The following CEP85 variants were observed in gnomAD, a reference collection of about 807,000 sequenced individuals.
CEP85 encodes the protein centrosomal protein of 85 kDa.
A neutral mutation model predicts 93.7 loss-of-function variants in CEP85; 58 were observed. The observed-to-expected ratio is 0.62, with a 90% CI of 0.50 to 0.77. The LOEUF is 0.77. Among genes scored for constraint, CEP85 ranks in the 30% least tolerant of loss-of-function variants. The pLI is 0.00. For synonymous variants in CEP85, 314 were observed against 338.6 expected, an observed-to-expected ratio of 0.93 and a Z score of 0.80; for missense variants, 868 against 922.0, an observed-to-expected ratio of 0.94 and a Z score of 0.76.
At chr1:26,242,241 C>G (rs1230033111) in intron 2 of CEP85, among the ~76,000 whole-genome samples, 1 of 152,104 alleles carries the variant, frequency 6.6e-6, no homozygotes, top group African/African-American at 2.4e-5. Flanking sequence ...AGTAGGAAGT[C>G]AGGAAGATGG....
chr1:26,253,191 G>C (rs1379866205), intron 3 of CEP85, among the ~76,000 whole-genome samples: 1 of 152,098 alleles, frequency 6.6e-6, no homozygotes, highest in Non-Finnish European at 1.5e-5. Context: ...TGGGATTGTA[G>C]ATATCTCTTG....
chr1:26,257,216 A>G (rs2089721079), intron 4 of CEP85, among the ~76,000 whole-genome samples: 1 of 152,148 alleles, frequency 6.6e-6, no homozygotes, highest in African/African-American at 2.4e-5. Flanking sequence ...TACAGGCGTG[A>G]GCCACCGCAC....
chr1:26,260,822 G>A (rs565274872), intron 7 of CEP85, among the ~76,000 whole-genome samples: 33 of 149,488 alleles, frequency 2.2e-4, no homozygotes, highest in East Asian at 6.0e-4. Context: ...ATGGAATTTC[G>A]CTCTGGCATC....
chr1:26,248,927 C>T (rs142794457), intron 3 of CEP85, among the ~76,000 whole-genome samples: 1,558 of 152,004 alleles, frequency 0.01, 24 homozygotes, highest in African/African-American at 0.036. Context: ...GGGGTTTCAC[C>T]GTGTTAGCCA....
intron 2 of CEP85, among the ~76,000 whole-genome samples, chr1:26,241,824 C>T (rs2089431724): frequency 6.6e-6 from 1 of 151,750 alleles, no homozygotes; most frequent in East Asian, 1.9e-4. Context: ...TGCAGTGGCA[C>T]AATCTCAGCT....
Position 26,255,607 on chromosome 1 carries a change from T to G in CEP85, c.645T>G (p.Ser215Arg), listed in dbSNP as rs1277978151. 6.2e-6 allele frequency: 10 copies of G among 1,613,770 alleles called. No homozygotes were observed. The Admixed American group carries it at 6.7e-5, about 11-fold the overall frequency. ...VRFHNPRTSTSKELYRVLPEA... is the reference protein window; with the variant it reads ...VRFHNPRTSTRKELYRVLPEA... ...TCCACAACCCAAGAACCAGCACAAG[T>G]AAGGAGTTGTACAGAGTGTTGCCTG... is the stretch of plus-strand genomic sequence containing the variant. The change falls in exon 4 of 14, where the codon AGT becomes AGG. Residue 215 changes from serine (S) to arginine (R), a missense_variant. Physicochemically the swap from Ser to Arg is moderately radical, Grantham distance 110. Coordinates refer to ENST00000451429, the MANE Select transcript of CEP85 (RefSeq NM_001319944.2).
chr1:26,259,472 T>C (rs1199867021), intron 6 of CEP85, 145 bp from the exon 7 acceptor site: 1 of 718,070 alleles, frequency 1.4e-6, no homozygotes, highest in Non-Finnish European at 2.3e-6. Context: ...CTGATGCTGT[T>C]AACCCTAAGA....
At chr1:26,262,595 T>C (rs1324486006) in intron 7 of CEP85, among the ~76,000 whole-genome samples, 1 of 152,048 alleles carries the variant, frequency 6.6e-6, no homozygotes, top group Non-Finnish European at 1.5e-5. Flanking sequence ...TCAAGAATGA[T>C]CCACTGGTAC....
At chr1:26,261,639 A>T (rs989272176) in intron 7 of CEP85, among the ~76,000 whole-genome samples, 10 of 152,056 alleles carry the variant, frequency 6.6e-5, no homozygotes, top group Non-Finnish European at 1.5e-4. Context: ...TCATACCTAT[A>T]ATTCCAGCAC....
intron 6 of CEP85, among the ~76,000 whole-genome samples, chr1:26,258,727 G>A (rs1320110231): frequency 6.6e-6 from 1 of 151,976 alleles, no homozygotes; most frequent in Admixed American, 6.6e-5. Flanking sequence ...CTCCCAAGTA[G>A]CTAGGATTAC....
In CEP85 at chr1:26,277,602, CCTTT is replaced by C. The variant is rs2090072620; in HGVS notation, c.*313_*316del. 1 of 238,842 alleles carries C rather than the reference CCTTT, an allele frequency of 4.2e-6. No homozygotes were observed. Among genetic ancestry groups the C allele is most frequent in the South Asian group, 6.4e-5 (1 of 15,672 alleles). 14.8% of individuals were successfully genotyped at this position (238,842 alleles called of 1,614,324 possible). ...ACATGAGAGACGAACAGGCTGTCCA[CCTTT>C]CTTCTCCATCCAATGGGATGGATCC... On this transcript the variant is annotated 3_prime_UTR_variant, in exon 14 of 14. Transcript: ENST00000451429.
intron 3 of CEP85, among the ~76,000 whole-genome samples, chr1:26,249,352 G>A (rs1569982984): frequency 1.3e-5 from 2 of 152,352 alleles, no homozygotes; most frequent in South Asian, 4.1e-4. Context: ...AAAGTGTTGG[G>A]ATTATAGGCG....
At position 26,255,655 on chromosome 1, in the gene CEP85, C is replaced by T. The variant is rs755883407; in HGVS notation, c.693C>T (p.Ser231=). The change falls in exon 4 of 14, where the codon AGC becomes AGT. Residue 231 remains serine (S), a synonymous_variant. Transcript: ENST00000451429. ...VLPEAKKAPG[S]GAVFERNGPH... ...CTGAGGCCAAGAAGGCACCGGGCAG[C>T]GGGGCAGTGTTTGAGCGGAATGGAC... 1.7e-5 allele frequency: 27 copies of T among 1,614,030 alleles called. No homozygotes were observed. Among genetic ancestry groups the T allele is most frequent in the South Asian group, 3.3e-5 (3 of 91,050 alleles).
At chr1:26,273,388 G>A (rs2090006394) in intron 11 of CEP85, among the ~76,000 whole-genome samples, 3 of 152,166 alleles carry the variant, frequency 2.0e-5, no homozygotes, top group Admixed American at 6.5e-5. Flanking sequence ...ATTGGGCTAC[G>A]TCTATCTGGT....
chr1:26,243,300 C>G (rs1444143446), intron 2 of CEP85, among the ~76,000 whole-genome samples: 1 of 147,020 alleles, frequency 6.8e-6, no homozygotes, highest in Non-Finnish European at 1.5e-5. Context: ...TCTGGTTTCA[C>G]AGTGATGGTG....
intron 1 of CEP85, among the ~76,000 whole-genome samples, chr1:26,235,523 C>CT (rs2089310987): frequency 6.8e-6 from 1 of 147,612 alleles, no homozygotes; most frequent in African/African-American, 2.5e-5. Context: ...ATGTGGTTCT[C>CT]TTAACAGCTG....
At chr1:26,267,785 C>T (rs954736455) in intron 7 of CEP85, among the ~76,000 whole-genome samples, 1 of 152,132 alleles carries the variant, frequency 6.6e-6, no homozygotes, top group Non-Finnish European at 1.5e-5. Flanking sequence ...CTCAATCACC[C>T]GTCCCTCTGC....
intron 2 of CEP85, 101 bp from the exon 3 acceptor site, chr1:26,244,065 T>G: frequency 1.0e-6 from 1 of 970,014 alleles, no homozygotes; most frequent in Non-Finnish European, 1.5e-6. Flanking sequence ...AAGGGGTGGG[T>G]TGCTGCTATT....
In CEP85 at chr1:26,276,624, A is replaced by C. The variant is rs1436904052; in HGVS notation, c.1992A>C (p.Pro664=). The stretch of plus-strand genomic sequence containing the variant: ...CCCAACCAGGGTCTCCACCTTCACC[A>C]GACACGGCCCAGCTGGCACTTGAGC... The part of the protein sequence containing the change: ...RQAQPGSPPS[P]DTAQLALELH... The change falls in exon 13 of 14, where the codon CCA becomes CCC. Residue 664 remains proline, a synonymous_variant. Coordinates refer to ENST00000451429, the MANE Select transcript of CEP85 (RefSeq NM_001319944.2). 1 of 1,614,218 alleles carries C rather than the reference A, an allele frequency of 6.2e-7. No individual in the cohort carries two copies. The highest frequency in any genetic ancestry group is 1.7e-5 in the Admixed American group (1 of 60,030).
Sources: gnomAD v4.1 joint callset for allele counts (sites outside exome capture counted in the v4.1 genomes callset) on GRCh38, gnomAD v4.1.1 for gene constraint, MANE v1.5 for transcripts, NCBI Gene and HGNC (gene_info 2026-07-23, HGNC 2026-07-21) for gene names.